The following PIKFYVE variants were observed in gnomAD, a reference collection of about 807,000 sequenced individuals.
The protein encoded by PIKFYVE is 1-phosphatidylinositol 3-phosphate 5-kinase.
Under a neutral mutation model 257.9 loss-of-function variants are expected in PIKFYVE, and 122 were observed. The observed-to-expected ratio is 0.47, with a 90% CI of 0.41 to 0.55. The LOEUF (loss-of-function observed/expected upper bound fraction) is 0.55, where lower values mean the gene tolerates loss of function less well. PIKFYVE is among the 20% of genes least tolerant of loss of function. The probability of loss-of-function intolerance (pLI) is 0.00; values close to 1 mark genes in which losing one functional copy is unlikely to be tolerated. For synonymous variants in PIKFYVE, 892 were observed against 868.9 expected (o/e 1.03, Z -0.47); for missense variants, 2,160 against 2,536.6 (o/e 0.85, Z 3.19).
chr2:208,357,633 A>C lies in PIKFYVE; in HGVS notation c.*2328A>C, dbSNP rs1369060702. 1 of 152,216 alleles carries C rather than the reference A, an allele frequency of 6.6e-6. No homozygotes were observed. Among genetic ancestry groups the C allele is most frequent in the Non-Finnish European group, 1.5e-5 (1 of 68,034 alleles). 9.4% of individuals were successfully genotyped at this position (152,216 alleles called of 1,614,324 possible). A position where few individuals can be genotyped will look rare whatever the true frequency, so the allele number is the denominator to read the frequency against. On this transcript the variant is annotated 3_prime_UTR_variant, in exon 42 of 42. Transcript: ENST00000264380. Reference sequence around the variant, plus strand: ...AAATTGGACAGTATTAATGAAGGGGAAATATACAATTTATTTCTATTGAGT... The same window carrying C: ...AAATTGGACAGTATTAATGAAGGGGCAATATACAATTTATTTCTATTGAGT...
In PIKFYVE at chr2:208,315,355, G is replaced by C; in HGVS notation, c.1989G>C (p.Gln663His). ...KNQDDDMDIRQFVHIKKIPGG... is the reference protein window; with the variant it reads ...KNQDDDMDIRHFVHIKKIPGG... Reference sequence around the variant, plus strand: ...AGGATGATGACATGGATATCCGTCAGTTTGTCCACATCAAAAAAGTGAGCT... The same window carrying C: ...AGGATGATGACATGGATATCCGTCACTTTGTCCACATCAAAAAAGTGAGCT... Residue 663 changes from glutamine (Q) to histidine (H), a missense_variant, in exon 15 of 42, where the codon CAG (glutamine) becomes CAC (histidine). Physicochemically the swap from Gln to His is conservative, Grantham distance 24 (BLOSUM62 0). Coordinates refer to ENST00000264380, the MANE Select transcript of PIKFYVE (RefSeq NM_015040.4). 1.2e-6 allele frequency: 2 copies of C among 1,614,142 alleles called. No individual in the cohort carries two copies. The highest frequency in any genetic ancestry group is 1.7e-6 in the Non-Finnish European group (2 of 1,180,012).
intron 10 of PIKFYVE, among the ~76,000 whole-genome samples, chr2:208,303,718 G>A (rs918154600): frequency 5.9e-5 from 9 of 152,158 alleles, no homozygotes; most frequent in African/African-American, 1.9e-4. Context: ...GGTCAGCTGT[G>A]TAATGTTTAG....
At chr2:208,294,467 T>G (rs1311064634) in intron 7 of PIKFYVE, among the ~76,000 whole-genome samples, 1 of 152,160 alleles carries the variant, frequency 6.6e-6, no homozygotes, top group Non-Finnish European at 1.5e-5. Flanking sequence ...TGCCTTGTGA[T>G]TTTTTGTTGA....
intron 8 of PIKFYVE, among the ~76,000 whole-genome samples, chr2:208,300,505 G>A (rs1055782281): frequency 1.3e-5 from 2 of 152,092 alleles, no homozygotes; most frequent in African/African-American, 4.8e-5. Context: ...TTTTGAGCAG[G>A]GAGTAATTTA....
intron 7 of PIKFYVE, among the ~76,000 whole-genome samples, chr2:208,298,064 G>T (rs1693205747): frequency 6.6e-6 from 1 of 151,914 alleles, no homozygotes; most frequent in African/African-American, 2.4e-5. Flanking sequence ...TGCTTATTTG[G>T]GCGTCAAAAT....
rs141184825 is a variant in PIKFYVE, at chr2:208,337,625, A to G, written c.4611+697A>G. On this transcript the variant is annotated intron_variant, in intron 28 of 41. Coordinates refer to ENST00000264380, the MANE Select transcript of PIKFYVE (RefSeq NM_015040.4). ...GATAGATAGATATATCTATACCTAG[A>G]TGCTTAATTCCAGGAAGCGAGCTAC... Among the ~76,000 whole-genome samples, 679 of 152,098 alleles carry G rather than the reference A, an allele frequency of 4.5e-3. 7 individuals are homozygous for G. Among genetic ancestry groups the G allele is most frequent in the African/African-American group, 0.015 (634 of 41,464 alleles).
intron 24 of PIKFYVE, among the ~76,000 whole-genome samples, chr2:208,334,876 C>T (rs907576205): frequency 2.0e-5 from 3 of 151,934 alleles, no homozygotes; most frequent in Non-Finnish European, 4.4e-5. Flanking sequence ...TAGGGCCTTG[C>T]GGGGGAGTTG....
At chr2:208,346,837 T>C (rs554238041) in intron 34 of PIKFYVE, among the ~76,000 whole-genome samples, 107 of 152,374 alleles carry the variant, frequency 7.0e-4, no homozygotes, top group African/African-American at 2.5e-3. Flanking sequence ...ATGATTCCTT[T>C]ACGTTTTCCT....
At chr2:208,345,917 C>G (rs1232368796) in intron 33 of PIKFYVE, 133 bp from the exon 34 acceptor site, 2 of 659,756 alleles carry the variant, frequency 3.0e-6, no homozygotes, top group Admixed American at 5.2e-5. Context: ...AATTATGAAT[C>G]AGACTTTTGA....
chr2:208,342,781 G>GT, intron 32 of PIKFYVE, 132 bp downstream of exon 32: 1 of 635,086 alleles, frequency 1.6e-6, no homozygotes. Context: ...TTCTTTAGTC[G>GT]TGATAGCTTG....
intron 10 of PIKFYVE, 47 bp from the exon 11 acceptor site, chr2:208,304,124 G>A (rs754953512): frequency 2.5e-6 from 4 of 1,585,912 alleles, no homozygotes; most frequent in Non-Finnish European, 2.6e-6. Context: ...CCTCAACATT[G>A]TTGCCATTGA....
At chr2:208,293,989 T>C (rs1692644290) in intron 7 of PIKFYVE, among the ~76,000 whole-genome samples, 2 of 152,210 alleles carry the variant, frequency 1.3e-5, no homozygotes, top group Non-Finnish European at 2.9e-5. Flanking sequence ...TTCTCAGTGA[T>C]TATGGCTTCA....
At chr2:208,348,380 C>G (rs922703769) in intron 35 of PIKFYVE, among the ~76,000 whole-genome samples, 2 of 152,136 alleles carry the variant, frequency 1.3e-5, no homozygotes, top group African/African-American at 4.8e-5. Context: ...CCACTACTCC[C>G]TCAAATGTTT....
In PIKFYVE at chr2:208,292,420, C is replaced by T. The variant is rs1418964408; in HGVS notation, c.911+3602C>T. ...AAGTCTCCAGCTATAATAATGAATTCGTCCATTTCTCCTGTAGTTCTATCA... is the reference window on the plus strand; with the variant it reads ...AAGTCTCCAGCTATAATAATGAATTTGTCCATTTCTCCTGTAGTTCTATCA... On this transcript the variant is annotated intron_variant, in intron 7 of 41. Coordinates refer to ENST00000264380, the MANE Select transcript of PIKFYVE (RefSeq NM_015040.4). 4.6e-5 allele frequency among the ~76,000 whole-genome samples: 7 copies of T among 152,064 alleles called. 1 individual carries two copies. The highest frequency in any genetic ancestry group is 4.1e-4 in the South Asian group (2 of 4,826).
At chr2:208,318,458 T>C (rs1695816512) in intron 16 of PIKFYVE, among the ~76,000 whole-genome samples, 1 of 152,198 alleles carries the variant, frequency 6.6e-6, no homozygotes, top group South Asian at 2.1e-4. Flanking sequence ...GCAATGTAGA[T>C]GAAGCTGGAG....
chr2:208,299,578 G>T (rs1205105652), intron 8 of PIKFYVE, among the ~76,000 whole-genome samples: 1 of 152,124 alleles, frequency 6.6e-6, no homozygotes. Flanking sequence ...GTGAGCCACC[G>T]CGCCTGGCCA....
chr2:208,284,675 G>C (rs1449681598), intron 5 of PIKFYVE, among the ~76,000 whole-genome samples: 1 of 152,024 alleles, frequency 6.6e-6, no homozygotes, highest in Admixed American at 6.6e-5. Context: ...ACTCTTCAGG[G>C]CTTCACAATA....
At chr2:208,321,096 C>G (rs916567553) in intron 17 of PIKFYVE, among the ~76,000 whole-genome samples, 1 of 152,108 alleles carries the variant, frequency 6.6e-6, no homozygotes, top group African/African-American at 2.4e-5. Context: ...TCTTAAGGTA[C>G]CAATTATTAT....
At chr2:208,299,217 A>G (rs1456031537) in intron 8 of PIKFYVE, among the ~76,000 whole-genome samples, 1 of 152,196 alleles carries the variant, frequency 6.6e-6, no homozygotes, top group Admixed American at 6.5e-5. Flanking sequence ...CTTCAGTTTT[A>G]CTAGGATCAC....
Sources: allele counts gnomAD v4.1 joint callset (sites outside exome capture counted in the v4.1 genomes callset), GRCh38; gene constraint gnomAD v4.1.1; transcripts MANE v1.5; gene names NCBI Gene and HGNC (gene_info 2026-07-23, HGNC 2026-07-21).